Variants in PCDH9 observed in about 807,000 individuals in gnomAD.
PCDH9 encodes protocadherin-9.
PCDH9 carries 24 observed loss-of-function variants against 70.6 expected under a neutral mutation model. The observed-to-expected ratio is 0.34, with a 90% CI of 0.25 to 0.48. The LOEUF (loss-of-function observed/expected upper bound fraction) is 0.48, where lower values mean the gene tolerates loss of function less well. PCDH9 is among the 20% of genes least tolerant of loss of function. The pLI, the probability that PCDH9 is intolerant of heterozygous loss-of-function variation, is 0.99. For missense variants in PCDH9, 1,281 were observed against 1,503.6 expected (o/e 0.85, Z 2.45); for synonymous variants, 562 against 558.5 (o/e 1.01, Z -0.09).
At chr13:66,649,110 G>A (rs1260767311) in intron 3 of PCDH9, among the ~76,000 whole-genome samples, 1 of 152,148 alleles carries the variant, frequency 6.6e-6, no homozygotes, top group Non-Finnish European at 1.5e-5. Context: ...TGGTCTTAAA[G>A]AGGAGGTGGG....
chr13:66,642,924 T>C (rs2077727028), intron 3 of PCDH9, among the ~76,000 whole-genome samples: 1 of 152,134 alleles, frequency 6.6e-6, no homozygotes, highest in Non-Finnish European at 1.5e-5. Context: ...TCAATTTTAT[T>C]CTCAACTTAT....
intron 2 of PCDH9, among the ~76,000 whole-genome samples, chr13:66,908,142 T>C (rs76697870): frequency 0.032 from 4,854 of 152,260 alleles, 246 homozygotes; most frequent in African/African-American, 0.11. Flanking sequence ...CCACATGTAT[T>C]AGGTTTCAAG....
chr13:67,112,905 A>G (rs1566432776), intron 2 of PCDH9, among the ~76,000 whole-genome samples: 1 of 150,702 alleles, frequency 6.6e-6, no homozygotes, highest in Non-Finnish European at 1.5e-5. Context: ...ATTTTTTGTT[A>G]TTTTTTGTAG....
chr13:66,738,479 A>G (rs1025948883), intron 3 of PCDH9, among the ~76,000 whole-genome samples: 39 of 147,262 alleles, frequency 2.6e-4, no homozygotes, highest in Non-Finnish European at 5.5e-4. Context: ...GCAACGGAAC[A>G]AAGCTGGATG....
intron 2 of PCDH9, among the ~76,000 whole-genome samples, chr13:67,044,738 G>A (rs375073443): frequency 1.3e-5 from 2 of 152,244 alleles, no homozygotes; most frequent in Admixed American, 6.5e-5. Flanking sequence ...TCAAGAATAT[G>A]AGCAAATTCA....
chr13:66,364,979 T>A (rs1956529818), intron 4 of PCDH9, among the ~76,000 whole-genome samples: 1 of 152,236 alleles, frequency 6.6e-6, no homozygotes, highest in Admixed American at 6.5e-5. Context: ...CCTTAATTTC[T>A]GTGACATACA....
chr13:66,565,037 C>T (rs1206007358), intron 4 of PCDH9, among the ~76,000 whole-genome samples: 2 of 152,008 alleles, frequency 1.3e-5, no homozygotes, highest in African/African-American at 2.4e-5. Flanking sequence ...AAAATGTGTA[C>T]ATATTCTTTT....
At position 66,326,580 on chromosome 13, in the gene PCDH9, G is replaced by A. The variant is rs111254259; in HGVS notation, c.3341-21552C>T. Among the ~76,000 whole-genome samples, 1,416 of 151,976 alleles carry A rather than the reference G, an allele frequency of 9.3e-3. 26 individuals carry two copies. Among genetic ancestry groups the A allele is most frequent in the African/African-American group, 0.032 (1,316 of 41,458 alleles). The stretch of plus-strand genomic sequence containing the variant: ...ACTACAGGCGCCCGCCACCACGCCC[G>A]GATGATTTTTTGTATTTTCACTAGA... On this transcript the variant is annotated intron_variant, in intron 4 of 4. Coordinates refer to ENST00000377865, the MANE Select transcript of PCDH9 (RefSeq NM_203487.3).
chr13:66,891,111 G>C (rs2082088658), intron 3 of PCDH9, among the ~76,000 whole-genome samples: 1 of 151,908 alleles, frequency 6.6e-6, no homozygotes, highest in Non-Finnish European at 1.5e-5. Flanking sequence ...TAGTGTTGAG[G>C]TTCATCCATG....
chr13:67,021,010 C>A (rs1215152512), intron 2 of PCDH9, among the ~76,000 whole-genome samples: 1 of 152,158 alleles, frequency 6.6e-6, no homozygotes, highest in Non-Finnish European at 1.5e-5. Context: ...ATTATATAAA[C>A]ACACACATAT....
chr13:66,960,451 T>C (rs1594315668), intron 2 of PCDH9, among the ~76,000 whole-genome samples: 2 of 152,240 alleles, frequency 1.3e-5, no homozygotes, highest in South Asian at 4.1e-4. Context: ...AAATTCATGA[T>C]GGAAACTCAA....
chr13:67,067,931 A>C (rs1228813637), intron 2 of PCDH9, among the ~76,000 whole-genome samples: 2 of 152,172 alleles, frequency 1.3e-5, no homozygotes, highest in Admixed American at 1.3e-4. Flanking sequence ...CTCAAAGTTC[A>C]TAATTCTTTA....
At chr13:67,046,247 T>A (rs2085219828) in intron 2 of PCDH9, among the ~76,000 whole-genome samples, 1 of 152,178 alleles carries the variant, frequency 6.6e-6, no homozygotes, top group Non-Finnish European at 1.5e-5. Flanking sequence ...GCCCCTAGCA[T>A]GGGCTGCTAA....
At chr13:66,774,030 A>G (rs2079852057) in intron 3 of PCDH9, among the ~76,000 whole-genome samples, 1 of 152,078 alleles carries the variant, frequency 6.6e-6, no homozygotes, top group South Asian at 2.1e-4. Flanking sequence ...CACCTGCCTC[A>G]GCCTCCCAAA....
intron 4 of PCDH9, among the ~76,000 whole-genome samples, chr13:66,404,317 CAGAG>C (rs988090545): frequency 1.3e-5 from 2 of 152,010 alleles, no homozygotes; most frequent in Non-Finnish European, 2.9e-5. Flanking sequence ...AAATTATAGT[CAGAG>C]AGAAATGTGA....
chr13:66,471,216 T>A (rs1188141655), intron 4 of PCDH9, among the ~76,000 whole-genome samples: 1 of 152,118 alleles, frequency 6.6e-6, no homozygotes, highest in Non-Finnish European at 1.5e-5. Flanking sequence ...CATGCCTTTT[T>A]TCAAGGAGGA....
chr13:67,072,877 G>T (rs2085795933), intron 2 of PCDH9, among the ~76,000 whole-genome samples: 1 of 152,034 alleles, frequency 6.6e-6, no homozygotes, highest in African/African-American at 2.4e-5. Flanking sequence ...TGTTACTGCT[G>T]GAAAGTTTCA....
intron 3 of PCDH9, among the ~76,000 whole-genome samples, chr13:66,839,894 T>C (rs576446210): frequency 1.9e-4 from 29 of 152,362 alleles, no homozygotes; most frequent in East Asian, 5.8e-4. Flanking sequence ...AACTATGAAG[T>C]AGCCATTCAT....
intron 4 of PCDH9, among the ~76,000 whole-genome samples, chr13:66,473,520 T>C (rs1958660744): frequency 6.6e-6 from 1 of 152,112 alleles, no homozygotes; most frequent in Admixed American, 6.6e-5. Flanking sequence ...ATATCTCTAT[T>C]AAAATTTTAT....
Sources: allele counts gnomAD v4.1 joint callset (sites outside exome capture counted in the v4.1 genomes callset), GRCh38; gene constraint gnomAD v4.1.1; transcripts MANE v1.5; gene names NCBI Gene and HGNC (gene_info 2026-07-23, HGNC 2026-07-21).